LDLRAD4: variants seen among roughly 807,000 people sequenced by gnomAD.
LDLRAD4 encodes the protein low density lipoprotein receptor class A domain containing 4.
A neutral mutation model predicts 17.0 loss-of-function variants in LDLRAD4; 5 were observed. The ratio of observed to expected loss-of-function variants is 0.29; its 90% CI spans 0.15 to 0.62. The LOEUF (loss-of-function observed/expected upper bound fraction) is 0.62. Ranked by LOEUF, LDLRAD4 falls within the 20% of genes least tolerant of loss-of-function variation. LDLRAD4 has a pLI of 0.84. For synonymous variants in LDLRAD4, 168 were observed against 171.8 expected, an observed-to-expected ratio of 0.98 and a Z score of 0.17; for missense variants, 340 against 424.7, an observed-to-expected ratio of 0.80 and a Z score of 1.75.
intron 1 of LDLRAD4, among the ~76,000 whole-genome samples, chr18:13,374,635 C>G (rs1353287625): frequency 6.6e-6 from 1 of 152,232 alleles, no homozygotes; most frequent in Non-Finnish European, 1.5e-5. Flanking sequence ...TGATGAGACA[C>G]TGCAGAGTCC....
At chr18:13,597,135 A>G (rs1266620647) in intron 3 of LDLRAD4, among the ~76,000 whole-genome samples, 2 of 152,170 alleles carry the variant, frequency 1.3e-5, no homozygotes, top group Non-Finnish European at 2.9e-5. Flanking sequence ...TTGTTTACCT[A>G]GGAAGGTCTT....
At chr18:13,312,856 G>A (rs536050445) in intron 1 of LDLRAD4, among the ~76,000 whole-genome samples, 13 of 152,260 alleles carry the variant, frequency 8.5e-5, no homozygotes, top group Non-Finnish European at 1.0e-4. Context: ...TAATCATAGC[G>A]AAACCACTTG....
At chr18:13,442,757 G>A (rs912458313) in intron 3 of LDLRAD4, among the ~76,000 whole-genome samples, 22 of 152,188 alleles carry the variant, frequency 1.4e-4, no homozygotes, top group South Asian at 2.1e-4. Context: ...TCCTTCGACC[G>A]TCCAGAAGCG....
At chr18:13,231,936 A>G (rs150668161) in intron 1 of LDLRAD4, among the ~76,000 whole-genome samples, 53 of 152,382 alleles carry the variant, frequency 3.5e-4, no homozygotes, top group Admixed American at 3.3e-3. Flanking sequence ...TCCAAACCAC[A>G]TGGCAGGCTG....
intron 1 of LDLRAD4, among the ~76,000 whole-genome samples, chr18:13,262,828 T>G (rs371936617): frequency 3.2e-3 from 33 of 10,272 alleles, no homozygotes; most frequent in South Asian, 0.016. Flanking sequence ...CTCCGTGCGT[T>G]GGGGCTGAGT....
chr18:13,268,918 A>G (rs1264708513), intron 1 of LDLRAD4, among the ~76,000 whole-genome samples: 1 of 152,264 alleles, frequency 6.6e-6, no homozygotes, highest in Non-Finnish European at 1.5e-5. Context: ...ATTATTCGCC[A>G]ACAATTGATT....
chr18:13,320,866 C>T (rs1393454022), intron 1 of LDLRAD4, among the ~76,000 whole-genome samples: 2 of 152,206 alleles, frequency 1.3e-5, no homozygotes, highest in South Asian at 2.1e-4. Context: ...CAAAGCCTAA[C>T]AGGATTGTTG....
At chr18:13,377,240 C>G (rs2084984643) in intron 1 of LDLRAD4, among the ~76,000 whole-genome samples, 1 of 152,204 alleles carries the variant, frequency 6.6e-6, no homozygotes, top group Non-Finnish European at 1.5e-5. Context: ...GCATTCTGTC[C>G]TTCAGACATC....
At chr18:13,257,047 A>G (rs1427284464) in intron 1 of LDLRAD4, among the ~76,000 whole-genome samples, 1 of 152,216 alleles carries the variant, frequency 6.6e-6, no homozygotes, top group Non-Finnish European at 1.5e-5. Flanking sequence ...TCCTTTGACA[A>G]TGGTTTGTAT....
At position 13,547,236 on chromosome 18, in the gene LDLRAD4, G is replaced by T. The variant is rs896692583; in HGVS notation, c.182-73881G>T. Among the ~76,000 whole-genome samples the T allele has an allele frequency of 2.0e-4, 31 of 152,220 alleles. 1 individual carries two copies. Among genetic ancestry groups the T allele is most frequent in the African/African-American group, 7.2e-4 (30 of 41,466 alleles). On this transcript the variant is annotated intron_variant, in intron 3 of 5. Transcript: ENST00000359446. ...CGAGTAGCATCCATTAGGGTCCAGTGATTTTAAAGTTACAGTCACAGATTC... is the reference window on the plus strand; with the variant it reads ...CGAGTAGCATCCATTAGGGTCCAGTTATTTTAAAGTTACAGTCACAGATTC...
chr18:13,321,811 A>G (rs1031956145), intron 1 of LDLRAD4, among the ~76,000 whole-genome samples: 39 of 136,756 alleles, frequency 2.9e-4, no homozygotes, highest in African/African-American at 9.3e-4. Flanking sequence ...CAGTGAGCCG[A>G]GATCGCGCCA....
At chr18:13,477,489 G>A (rs1301336852) in intron 3 of LDLRAD4, among the ~76,000 whole-genome samples, 2 of 152,204 alleles carry the variant, frequency 1.3e-5, no homozygotes, top group Admixed American at 1.3e-4. Context: ...TTCAGTACTG[G>A]CAGAAGCCCA....
Position 13,370,190 on chromosome 18 carries a change from A to C in LDLRAD4, c.-382-17151A>C, listed in dbSNP as rs997649440. Among the ~76,000 whole-genome samples, 4 of 152,250 alleles carry C rather than the reference A, an allele frequency of 2.6e-5. No individual in the cohort carries two copies. In the East Asian group the frequency reaches 7.7e-4, roughly 29 times the overall value. Reference sequence around the variant, plus strand: ...GTGCAAAATACATGCGCCAGCACACATTCATACACCACTGCACAGAAGTTT... The same window carrying C: ...GTGCAAAATACATGCGCCAGCACACCTTCATACACCACTGCACAGAAGTTT... On this transcript the variant is annotated intron_variant, in intron 1 of 5. Coordinates refer to ENST00000359446, the Ensembl canonical transcript of LDLRAD4.
At chr18:13,550,844 G>A (rs76435894) in intron 3 of LDLRAD4, among the ~76,000 whole-genome samples, 2,406 of 152,228 alleles carry the variant, frequency 0.016, 75 homozygotes, top group African/African-American at 0.054. Context: ...TCTGCGAGCA[G>A]GCAGGGCCGA....
intron 3 of LDLRAD4, among the ~76,000 whole-genome samples, chr18:13,497,882 G>A (rs2093504460): frequency 1.3e-5 from 2 of 150,818 alleles, no homozygotes; most frequent in Admixed American, 1.3e-4. Flanking sequence ...TGCCACACGT[G>A]TCCCACTGTG....
At chr18:13,258,449 A>G (rs923213028) in intron 1 of LDLRAD4, among the ~76,000 whole-genome samples, 3 of 152,076 alleles carry the variant, frequency 2.0e-5, no homozygotes, top group African/African-American at 7.2e-5. Context: ...TTGAAATGAG[A>G]TGCCTCTATT....
chr18:13,613,881 A>AC (rs959018711), intron 3 of LDLRAD4: 25 of 152,222 alleles, frequency 1.6e-4, no homozygotes, highest in African/African-American at 5.8e-4. Context: ...GATCATAGGG[A>AC]CCGTTTCCTC....
At chr18:13,485,266 C>T (rs1403597465) in intron 3 of LDLRAD4, among the ~76,000 whole-genome samples, 4 of 152,160 alleles carry the variant, frequency 2.6e-5, no homozygotes, top group African/African-American at 7.2e-5. Context: ...GGAGCTGCCC[C>T]TTTTCCACTG....
In LDLRAD4 at chr18:13,337,992, T is replaced by C. The variant is rs138146538; in HGVS notation, c.-382-49349T>C. Among the ~76,000 whole-genome samples the C allele has an allele frequency of 3.6e-3, 546 of 152,334 alleles. 2 individuals carry two copies. The highest frequency in any genetic ancestry group is 3.8e-3 in the Non-Finnish European group (257 of 68,026). On this transcript the variant is annotated intron_variant, in intron 1 of 5. Transcript: ENST00000359446. Reference sequence around the variant, plus strand: ...TGGGTATTTGTTATAGAGGTAGATGTATTTGAGTAGCAAGTTATGGTTACA... The same window carrying C: ...TGGGTATTTGTTATAGAGGTAGATGCATTTGAGTAGCAAGTTATGGTTACA...
Sources: gnomAD v4.1 joint callset for allele counts (sites outside exome capture counted in the v4.1 genomes callset) on GRCh38, gnomAD v4.1.1 for gene constraint, MANE v1.5 for transcripts, NCBI Gene and HGNC (gene_info 2026-07-23, HGNC 2026-07-21) for gene names.